NWD1: variants seen among roughly 807,000 people sequenced by gnomAD.
NWD1 encodes the protein NACHT domain- and WD repeat-containing protein 1.
A neutral mutation model predicts 135.1 loss-of-function variants in NWD1; 129 were observed. That is an observed-to-expected ratio of 0.96 (90% CI 0.83 to 1.11). NWD1 has a LOEUF of 1.11. NWD1 is among the 50% of genes least tolerant of loss of function. The pLI is 0.00. For synonymous variants in NWD1, 773 were observed against 786.0 expected (o/e 0.98, Z 0.28); for missense variants, 1,740 against 1,851.3 (o/e 0.94, Z 1.10).
In NWD1 at chr19:16,773,217, C is replaced by T. The variant is rs746027154; in HGVS notation, c.2502C>T (p.Ala834=). The change falls in exon 11 of 19, where the codon GCC becomes GCT. Residue 834 remains alanine, a synonymous_variant. Transcript: ENST00000524140. ...PALVGQLCQQ[A]QSWFQLCAHP... ...TGGTGGGACAGCTATGCCAACAGGCCCAGAGCTGGTTCCAGTTGTGCGCAC... is the reference window on the plus strand; with the variant it reads ...TGGTGGGACAGCTATGCCAACAGGCTCAGAGCTGGTTCCAGTTGTGCGCAC... The T allele has an allele frequency of 3.1e-6, 5 of 1,613,798 alleles. No homozygotes were observed. The South Asian group carries it at 5.5e-5, about 18-fold the overall frequency.
At chr19:16,765,965 C>T (rs539999809) in intron 10 of NWD1, among the ~76,000 whole-genome samples, 7 of 145,720 alleles carry the variant, frequency 4.8e-5, no homozygotes, top group East Asian at 2.0e-4. Flanking sequence ...TACAGTGAGC[C>T]GAGATCGCAC....
chr19:16,798,320 GATAA>G (rs896219382), intron 16 of NWD1, among the ~76,000 whole-genome samples: 4 of 151,992 alleles, frequency 2.6e-5, no homozygotes, highest in Non-Finnish European at 4.4e-5. Flanking sequence ...TAAAGAAATT[GATAA>G]ATAGACTGTG....
chr19:16,751,838 G>GAAGA (rs1021938373), intron 6 of NWD1, among the ~76,000 whole-genome samples: 1 of 139,718 alleles, frequency 7.2e-6, no homozygotes, highest in African/African-American at 2.8e-5. Flanking sequence ...AGGAAGGAAG[G>GAAGA]AAGATAGTAA....
chr19:16,728,323 C>T lies in NWD1; in HGVS notation c.-6-2869C>T, dbSNP rs372236959. Among the ~76,000 whole-genome samples, 96 of 138,226 alleles carry T rather than the reference C, an allele frequency of 6.9e-4. 2 individuals are homozygous for T. The South Asian group carries it at 0.02, about 29-fold the overall frequency. The allele number at this position is 138,226 out of a possible 152,430, so 90.7% of individuals were successfully genotyped here. ...TTTCTGAGATGGAGTCTCACTCTGT[C>T]GCCCAGGCTGGAGTGCAGTGGTGCG... On this transcript the variant is annotated intron_variant, in intron 2 of 18. Transcript: ENST00000524140.
At chr19:16,758,853 C>T (rs1054307976) in intron 6 of NWD1, among the ~76,000 whole-genome samples, 7 of 151,762 alleles carry the variant, frequency 4.6e-5, no homozygotes, top group Non-Finnish European at 8.8e-5. Context: ...ACTAAAAATG[C>T]AAAAATTAGC....
chr19:16,761,920 A>G, intron 7 of NWD1, 59 bp from the exon 8 acceptor site: 1 of 1,461,248 alleles, frequency 6.8e-7, no homozygotes, highest in Non-Finnish European at 9.4e-7. Context: ...GAAGACAAGC[A>G]GCCACCTTTG....
intron 15 of NWD1, among the ~76,000 whole-genome samples, chr19:16,795,510 G>A (rs955106697): frequency 2.0e-5 from 3 of 149,748 alleles, no homozygotes; most frequent in Non-Finnish European, 2.9e-5. Flanking sequence ...TCCACCTCCC[G>A]GGTTCAAGCG....
intron 6 of NWD1, among the ~76,000 whole-genome samples, chr19:16,754,499 TC>T (rs1968709164): frequency 6.8e-6 from 1 of 147,960 alleles, no homozygotes; most frequent in African/African-American, 2.5e-5. Flanking sequence ...CATCCATCCA[TC>T]CATCCATCAT....
In NWD1 at chr19:16,744,686, C is replaced by G. The variant is rs1403216320; in HGVS notation, c.464C>G (p.Thr155Ser). The change falls in exon 5 of 19, where the codon ACC becomes AGC. Residue 155 changes from threonine (T) to serine (S), a missense_variant. Coordinates refer to ENST00000524140, the MANE Select transcript of NWD1 (RefSeq NM_001007525.5). ...AQEARRLGLITQEQWQHYHRS... is the reference protein window; with the variant it reads ...AQEARRLGLISQEQWQHYHRS... ...GAGGCCCGGAGGCTGGGGCTCATCA[C>G]CCAGGAGCAGTGGCAGCACTACCAC... The G allele has an allele frequency of 1.3e-6, 2 of 1,535,978 alleles. No individual in the cohort carries two copies. The highest frequency in any genetic ancestry group is 8.7e-7 in the Non-Finnish European group (1 of 1,146,864).
At chr19:16,754,221 CATCT>C (rs1404625135) in intron 6 of NWD1, among the ~76,000 whole-genome samples, 1 of 151,430 alleles carries the variant, frequency 6.6e-6, no homozygotes, top group African/African-American at 2.4e-5. Context: ...TCTCTAAATC[CATCT>C]ATCCATCCAT....
chr19:16,765,453 C>T (rs1044520732), intron 10 of NWD1, among the ~76,000 whole-genome samples: 5 of 152,114 alleles, frequency 3.3e-5, no homozygotes, highest in Non-Finnish European at 7.3e-5. Context: ...CCCACCTCAG[C>T]CTCCTGAGTA....
chr19:16,792,729 T>C (rs1970288958), intron 14 of NWD1, among the ~76,000 whole-genome samples: 1 of 149,592 alleles, frequency 6.7e-6, no homozygotes, highest in African/African-American at 2.5e-5. Context: ...GCCCAAAAAT[T>C]AGCCGGGTGT....
At position 16,744,620 on chromosome 19, in the gene NWD1, A is replaced by T; in HGVS notation, c.398A>T (p.Glu133Val). 1 of 1,535,080 alleles carries T rather than the reference A, an allele frequency of 6.5e-7. No homozygotes were observed. Among genetic ancestry groups the T allele is most frequent in the East Asian group, 2.4e-5 (1 of 40,832 alleles). ...GGTACTGGGGAGGCCTGTGAACCAG[A>T]GGAGGCCACCTTAACTTCTGTCCTA... is the stretch of plus-strand genomic sequence containing the variant. Reference protein sequence around the residue: ...APGTGEACEPEEATLTSVLRS... With the variant: ...APGTGEACEPVEATLTSVLRS... The change falls in exon 5 of 19, where the codon GAG becomes GTG. Residue 133 changes from glutamate (E) to valine (V), a missense_variant. Transcript: ENST00000524140.
chr19:16,767,557 G>A (rs1969269764), intron 10 of NWD1, among the ~76,000 whole-genome samples: 2 of 152,060 alleles, frequency 1.3e-5, no homozygotes, highest in South Asian at 4.1e-4. Context: ...AGAGGTTGCA[G>A]TGACCAGAAA....
intron 5 of NWD1, among the ~76,000 whole-genome samples, chr19:16,748,285 G>A (rs1332851230): frequency 6.6e-6 from 1 of 151,974 alleles, no homozygotes; most frequent in Non-Finnish European, 1.5e-5. Context: ...TGTCCAGCCC[G>A]TTGATGGATG....
intron 2 of NWD1, among the ~76,000 whole-genome samples, chr19:16,730,604 C>A (rs1432724365): frequency 4.6e-5 from 7 of 152,128 alleles, no homozygotes. Context: ...ATAATCCCAG[C>A]TACTCAGGAG....
rs968369076 is a variant in NWD1, at chr19:16,749,211, G to A, written c.569G>A (p.Arg190Lys). The A allele has an allele frequency of 3.1e-6, 5 of 1,613,972 alleles. No individual in the cohort carries two copies. In the African/African-American group the frequency reaches 5.3e-5, roughly 17 times the overall value. Residue 190 changes from arginine (R) to lysine (K), a missense_variant, in exon 6 of 19, where the codon AGA becomes AAA. Transcript: ENST00000524140. ...DREQGATVFLREIQDLHKHIL... is the reference protein window; with the variant it reads ...DREQGATVFLKEIQDLHKHIL... ...GAACAGGGAGCCACCGTCTTCCTTA[G>A]AGAGATCCAAGACCTCCACAAACAC...
Position 16,760,820 on chromosome 19 carries a change from C to A in NWD1, c.1974-1159C>A, listed in dbSNP as rs536071927. 3.3e-5 allele frequency among the ~76,000 whole-genome samples: 5 copies of A among 151,768 alleles called. No individual in the cohort carries two copies. The South Asian group carries it at 1.0e-3, about 32-fold the overall frequency. ...GGCCACGCTGGTCTCAAACTCCTGA[C>A]CTCAGGTGATCTGCCCGCCTTGGCC... is the stretch of plus-strand genomic sequence containing the variant. On this transcript the variant is annotated intron_variant, in intron 7 of 18. Coordinates refer to ENST00000524140, the MANE Select transcript of NWD1 (RefSeq NM_001007525.5).
chr19:16,748,823 C>CAAT (rs138566461), intron 5 of NWD1, among the ~76,000 whole-genome samples: 1,653 of 149,112 alleles, frequency 0.011, 75 homozygotes, highest in Admixed American at 0.084. Flanking sequence ...GACCCTGTCT[C>CAAT]AATAATAATA....
Sources: allele counts gnomAD v4.1 joint callset (sites outside exome capture counted in the v4.1 genomes callset), GRCh38; gene constraint gnomAD v4.1.1; transcripts MANE v1.5; gene names NCBI Gene and HGNC (gene_info 2026-07-23, HGNC 2026-07-21).